Variants in ELOVL7 observed in about 807,000 individuals in gnomAD.
ELOVL7 encodes the protein ELOVL fatty acid elongase 7, also known as very long chain fatty acid elongase 7.
In ELOVL7, 27 loss-of-function variants were observed where a neutral mutation model predicts 35.7. That is an observed-to-expected ratio of 0.76 (90% CI 0.56 to 1.04). The LOEUF is 1.04. ELOVL7 is among the 50% of genes least tolerant of loss of function. ELOVL7 has a pLI of 0.00. For synonymous variants in ELOVL7, 113 were observed against 114.6 expected (o/e 0.99, Z 0.09); for missense variants, 327 against 340.8 (o/e 0.96, Z 0.32).
chr5:60,830,050 C>A (rs548039127), intron 1 of ELOVL7, among the ~76,000 whole-genome samples: 3 of 152,288 alleles, frequency 2.0e-5, no homozygotes, highest in Admixed American at 1.3e-4. Context: ...CCATTCTCTA[C>A]GTGAGGCCTG....
chr5:60,820,643 T>C (rs557812787), intron 1 of ELOVL7, among the ~76,000 whole-genome samples: 2 of 152,278 alleles, frequency 1.3e-5, no homozygotes, highest in South Asian at 4.1e-4. Context: ...CTTTAGACTC[T>C]TGACTTCTCA....
intron 1 of ELOVL7, among the ~76,000 whole-genome samples, chr5:60,840,595 A>G (rs1458885726): frequency 2.6e-5 from 4 of 152,192 alleles, no homozygotes; most frequent in Non-Finnish European, 5.9e-5. Flanking sequence ...TGGCAGCCTG[A>G]GGAAACTAAT....
At chr5:60,800,605 T>C (rs567640701) in intron 1 of ELOVL7, among the ~76,000 whole-genome samples, 90 of 152,304 alleles carry the variant, frequency 5.9e-4, no homozygotes, top group African/African-American at 2.1e-3. Flanking sequence ...TTTTAAAAAA[T>C]AGAAATTTAT....
intron 1 of ELOVL7, among the ~76,000 whole-genome samples, chr5:60,843,915 G>C (rs936740771): frequency 5.3e-5 from 8 of 152,106 alleles, no homozygotes; most frequent in East Asian, 1.9e-4. Flanking sequence ...AAAGGGCCTC[G>C]GTCCTCCCCA....
chr5:60,821,477 T>C (rs1745885483), intron 1 of ELOVL7, among the ~76,000 whole-genome samples: 1 of 152,230 alleles, frequency 6.6e-6, no homozygotes, highest in African/African-American at 2.4e-5. Context: ...CCTCTATCTA[T>C]GCTCCAGTTT....
intron 3 of ELOVL7, among the ~76,000 whole-genome samples, chr5:60,781,471 T>G (rs1275357724): frequency 6.6e-6 from 1 of 152,106 alleles, no homozygotes; most frequent in Non-Finnish European, 1.5e-5. Flanking sequence ...AAAAATCAAA[T>G]GACATCATTT....
intron 6 of ELOVL7, among the ~76,000 whole-genome samples, chr5:60,764,960 T>C (rs1584161468): frequency 6.6e-6 from 1 of 152,032 alleles, no homozygotes; most frequent in East Asian, 1.9e-4. Context: ...AACAAAATGG[T>C]AGAATTTGGG....
chr5:60,824,786 G>A (rs770249219), intron 1 of ELOVL7, among the ~76,000 whole-genome samples: 12 of 152,076 alleles, frequency 7.9e-5, no homozygotes, highest in Non-Finnish European at 1.3e-4. Flanking sequence ...TCTTCCTCAA[G>A]TTAAAAACAA....
intron 1 of ELOVL7, among the ~76,000 whole-genome samples, chr5:60,816,973 TATAATTATTTCAAAATTAAAAGTTAA>T (rs1167902870): frequency 2.6e-5 from 4 of 152,212 alleles, no homozygotes; most frequent in Non-Finnish European, 4.4e-5. Context: ...TTTGCGAATC[TATAATTATTTCAAAATTAAAAGTTAA>T]ATAATTGGTA....
Position 60,754,677 on chromosome 5 carries a change from G to GTAAGCA in ELOVL7, c.792_793insTGCTTA (p.Gly264_Gln265insCysLeu). The GTAAGCA allele has an allele frequency of 6.2e-7, 1 of 1,614,096 alleles. No individual in the cohort carries two copies. The highest frequency in any genetic ancestry group is 1.1e-5 in the South Asian group (1 of 91,072). Reference sequence around the variant, plus strand: ...TTTTTCACAGTTTTGGGCAACCTCTGACCTTTGGTGTAAGCACGGTACCAA... The same window carrying GTAAGCA: ...TTTTTCACAGTTTTGGGCAACCTCTGTAAGCAACCTTTGGTGTAAGCACGGTACCAA... On this transcript the variant is annotated inframe_insertion, in exon 9 of 9. Coordinates refer to ENST00000508821, the MANE Select transcript of ELOVL7 (RefSeq NM_024930.3).
intron 1 of ELOVL7, among the ~76,000 whole-genome samples, chr5:60,800,030 CAAA>C (rs58041305): frequency 1.0e-4 from 9 of 86,200 alleles, no homozygotes; most frequent in African/African-American, 3.5e-4. Context: ...AACTCCATCT[CAAA>C]AAAAAAAAAA....
At position 60,754,593 on chromosome 5, in the gene ELOVL7, A is replaced by G. The variant is rs765830838; in HGVS notation, c.*31T>C. The G allele has an allele frequency of 1.9e-6, 3 of 1,569,704 alleles. No homozygotes were observed. The African/African-American group carries it at 4.1e-5, about 21-fold the overall frequency. The stretch of plus-strand genomic sequence containing the variant: ...TCTTGATTGTCAAGGAAGACAATGT[A>G]TCAGTTTCGATCATAGACTTATGTT... On this transcript the variant is annotated 3_prime_UTR_variant, in exon 9 of 9. Transcript: ENST00000508821.
intron 7 of ELOVL7, among the ~76,000 whole-genome samples, chr5:60,762,347 C>T (rs1741978661): frequency 6.8e-6 from 1 of 147,960 alleles, no homozygotes; most frequent in Non-Finnish European, 1.5e-5. Flanking sequence ...TATTTAAATT[C>T]TCATTATTGA....
intron 6 of ELOVL7, among the ~76,000 whole-genome samples, chr5:60,766,063 G>GGCC (rs1742216454): frequency 6.6e-6 from 1 of 152,118 alleles, no homozygotes. Flanking sequence ...GAAGAGATAG[G>GGCC]GCCCAGTAAG....
intron 1 of ELOVL7, among the ~76,000 whole-genome samples, chr5:60,816,968 G>A (rs1040488716): frequency 5.3e-5 from 8 of 152,010 alleles, no homozygotes; most frequent in Non-Finnish European, 7.4e-5. Context: ...AACTTTTTGC[G>A]AATCTATAAT....
intron 8 of ELOVL7, 143 bp from the exon 9 acceptor site, chr5:60,754,976 G>A (rs1741449668): frequency 2.9e-6 from 2 of 680,352 alleles, no homozygotes; most frequent in Admixed American, 2.9e-5. Flanking sequence ...CTCCCTGAGA[G>A]TGATAATGGG....
At chr5:60,776,498 A>G (rs2112198171) in intron 3 of ELOVL7, among the ~76,000 whole-genome samples, 1 of 152,382 alleles carries the variant, frequency 6.6e-6, no homozygotes, top group East Asian at 1.9e-4. Context: ...GATTGGATAA[A>G]GAAAATGTGG....
intron 3 of ELOVL7, among the ~76,000 whole-genome samples, chr5:60,786,803 A>G (rs761008502): frequency 1.3e-5 from 2 of 151,812 alleles, no homozygotes; most frequent in Non-Finnish European, 2.9e-5. Context: ...TTAGCCAGGC[A>G]TGGTGGTGGG....
chr5:60,817,563 G>GTA (rs1561464288), intron 1 of ELOVL7, among the ~76,000 whole-genome samples: 1 of 147,136 alleles, frequency 6.8e-6, no homozygotes, highest in Non-Finnish European at 1.5e-5. Flanking sequence ...GTGTGTGTGT[G>GTA]TATATATATG....
Sources: gnomAD v4.1 joint callset for allele counts (sites outside exome capture counted in the v4.1 genomes callset) on GRCh38, gnomAD v4.1.1 for gene constraint, MANE v1.5 for transcripts, NCBI Gene and HGNC (gene_info 2026-07-23, HGNC 2026-07-21) for gene names.